Variants in LOC128706665 observed in about 807,000 individuals in gnomAD.
the LOC128706665 span, among the ~76,000 whole-genome samples, chr20:10,415,194 G>A: frequency 1.3e-5 from 2 of 152,182 alleles, no homozygotes; most frequent in African/African-American, 4.8e-5. Flanking sequence ...TATCTGTTGA[G>A]GCCGGGTGTT....
the LOC128706665 span, among the ~76,000 whole-genome samples, chr20:10,432,868 C>G: frequency 4.7e-5 from 7 of 147,372 alleles, no homozygotes; most frequent in Non-Finnish European, 1.0e-4. Flanking sequence ...CTTAAATAAT[C>G]TCTAGGCTAC....
the LOC128706665 span, among the ~76,000 whole-genome samples, chr20:10,422,661 G>A: frequency 6.6e-6 from 1 of 151,868 alleles, no homozygotes; most frequent in South Asian, 2.1e-4. Context: ...AATACTTAAG[G>A]TGACTTTGGC....
chr20:10,419,703 G>T, the LOC128706665 span, among the ~76,000 whole-genome samples: 1 of 152,190 alleles, frequency 6.6e-6, no homozygotes, highest in Non-Finnish European at 1.5e-5. Context: ...CACCACAGTT[G>T]ATCTAACCCA....
the LOC128706665 span, among the ~76,000 whole-genome samples, chr20:10,427,081 A>C: frequency 7.5e-4 from 64 of 85,654 alleles, no homozygotes; most frequent in African/African-American, 2.0e-3. Context: ...CACACACACA[A>C]AGTAAGGTTA....
At chr20:10,432,820 GTA>G in the LOC128706665 span, among the ~76,000 whole-genome samples, 1 of 115,260 alleles carries the variant, frequency 8.7e-6, no homozygotes, top group Non-Finnish European at 2.0e-5. Context: ...AAAAAATCGT[GTA>G]GTTTTGTACA....
At chr20:10,422,642 T>C in the LOC128706665 span, among the ~76,000 whole-genome samples, 1 of 152,102 alleles carries the variant, frequency 6.6e-6, no homozygotes, top group African/African-American at 2.4e-5. Flanking sequence ...GTTATTTATA[T>C]CCAGTCTCAA....
At chr20:10,416,302 T>A in the LOC128706665 span, among the ~76,000 whole-genome samples, 1 of 152,132 alleles carries the variant, frequency 6.6e-6, no homozygotes, top group Non-Finnish European at 1.5e-5. Flanking sequence ...TGGAGTTCTT[T>A]GGCAAAAAGA....
chr20:10,423,451 G>A, the LOC128706665 span, among the ~76,000 whole-genome samples: 1 of 152,046 alleles, frequency 6.6e-6, no homozygotes, highest in Admixed American at 6.6e-5. Context: ...AAAAGAGACT[G>A]GATAGGATAA....
chr20:10,414,080 C>A, the LOC128706665 span: 6 of 366,918 alleles, frequency 1.6e-5, no homozygotes, highest in Admixed American at 9.1e-5. Context: ...GAAAGGTAGA[C>A]CAACTTTGAC....
At chr20:10,430,919 T>G in the LOC128706665 span, among the ~76,000 whole-genome samples, 1 of 152,226 alleles carries the variant, frequency 6.6e-6, no homozygotes, top group Admixed American at 6.5e-5. Context: ...AACAACGTTT[T>G]ACATAAGAGC....
chr20:10,422,812 C>T, the LOC128706665 span, among the ~76,000 whole-genome samples: 8 of 151,484 alleles, frequency 5.3e-5, no homozygotes, highest in Admixed American at 2.0e-4. Flanking sequence ...CCCAGGTTCA[C>T]GCCATTCTCC....
the LOC128706665 span, among the ~76,000 whole-genome samples, chr20:10,422,491 A>G: frequency 6.6e-6 from 1 of 152,162 alleles, no homozygotes. Context: ...GGAGGAATTT[A>G]GAGTAAGGAG....
chr20:10,423,130 A>C, the LOC128706665 span, among the ~76,000 whole-genome samples: 2 of 152,082 alleles, frequency 1.3e-5, no homozygotes, highest in African/African-American at 2.4e-5. Context: ...AGGAAAAAAA[A>C]CCCTAGCTTA....
chr20:10,419,677 A>C, the LOC128706665 span, among the ~76,000 whole-genome samples: 44 of 152,350 alleles, frequency 2.9e-4, no homozygotes, highest in African/African-American at 1.0e-3. Context: ...TTACCTGAAC[A>C]TAAGCGCGGA....
At chr20:10,432,140 C>T in the LOC128706665 span, among the ~76,000 whole-genome samples, 8 of 152,298 alleles carry the variant, frequency 5.3e-5, no homozygotes, top group East Asian at 1.4e-3. Context: ...AGACATCTAA[C>T]GACAGATCAA....
At chr20:10,413,990 C>A in the LOC128706665 span, 3 of 397,000 alleles carry the variant, frequency 7.6e-6, no homozygotes, top group Admixed American at 4.3e-5. Flanking sequence ...TTGTAGACTG[C>A]AGTTTAATAA....
the LOC128706665 span, among the ~76,000 whole-genome samples, chr20:10,423,411 G>C: frequency 6.6e-6 from 1 of 151,980 alleles, no homozygotes; most frequent in Non-Finnish European, 1.5e-5. Context: ...GATGAAATGC[G>C]ATCGTTTCAA....
the LOC128706665 span, among the ~76,000 whole-genome samples, chr20:10,427,778 AAC>A: frequency 6.6e-6 from 1 of 152,204 alleles, no homozygotes; most frequent in Non-Finnish European, 1.5e-5. Context: ...GTCTTGTAAA[AAC>A]ACACACCCCA....
the LOC128706665 span, among the ~76,000 whole-genome samples, chr20:10,429,827 A>T: frequency 6.6e-6 from 1 of 152,192 alleles, no homozygotes; most frequent in Non-Finnish European, 1.5e-5. Flanking sequence ...CAGTGCCATT[A>T]GCAACACTTG....
Sources: gnomAD v4.1 joint callset for allele counts (sites outside exome capture counted in the v4.1 genomes callset) on GRCh38, gnomAD v4.1.1 for gene constraint, MANE v1.5 for transcripts.